MLIP: variants seen among roughly 807,000 people sequenced by gnomAD.
MLIP encodes the protein muscular LMNA-interacting protein.
In MLIP, 79 loss-of-function variants were observed where a neutral mutation model predicts 84.8. The observed-to-expected ratio is 0.93, with a 90% CI of 0.78 to 1.12. The LOEUF (loss-of-function observed/expected upper bound fraction) is 1.12, where lower values mean the gene tolerates loss of function less well. Ranked by LOEUF, MLIP falls within the 50% of genes most tolerant of loss-of-function variation. MLIP has a pLI of 0.00. For synonymous variants in MLIP, 504 were observed against 463.0 expected (o/e 1.09, Z -1.14); for missense variants, 1,257 against 1,160.6 (o/e 1.08, Z -1.21).
intron 1 of MLIP, among the ~76,000 whole-genome samples, chr6:54,103,608 G>A (rs990314273): frequency 2.0e-5 from 3 of 152,162 alleles, no homozygotes; most frequent in African/African-American, 4.8e-5. Flanking sequence ...TCCTCTCTAT[G>A]TAATTCTTCC....
At chr6:54,250,221 C>T (rs942006368) in intron 12 of MLIP, among the ~76,000 whole-genome samples, 3 of 151,868 alleles carry the variant, frequency 2.0e-5, no homozygotes, top group Admixed American at 2.0e-4. Flanking sequence ...CAGATGCTGG[C>T]GAGGTCATGG....
chr6:54,188,994 T>C (rs144403494), intron 9 of MLIP, among the ~76,000 whole-genome samples: 2 of 152,244 alleles, frequency 1.3e-5, no homozygotes, highest in Admixed American at 6.5e-5. Flanking sequence ...CTGCGTCCAG[T>C]TGGACTGTCA....
chr6:54,030,375 T>C (rs112972437), intron 1 of MLIP, among the ~76,000 whole-genome samples: 126 of 152,238 alleles, frequency 8.3e-4, no homozygotes, highest in Non-Finnish European at 1.5e-3. Flanking sequence ...ATGTGCTTCA[T>C]AGAATTAATT....
intron 1 of MLIP, among the ~76,000 whole-genome samples, chr6:54,021,951 T>A (rs1763520912): frequency 6.6e-6 from 1 of 152,220 alleles, no homozygotes; most frequent in Non-Finnish European, 1.5e-5. Context: ...AGTCATTGAT[T>A]CTGCTAGATG....
In MLIP at chr6:54,136,761, C is replaced by T. The variant is rs912819584; in HGVS notation, c.692C>T (p.Pro231Leu). 8.6e-6 allele frequency: 13 copies of T among 1,516,388 alleles called. No homozygotes were observed. The highest frequency in any genetic ancestry group is 4.1e-5 in the African/African-American group (3 of 72,776). 93.9% of individuals were successfully genotyped at this position (1,516,388 alleles called of 1,614,324 possible). ...TCTGAGCAGCTTGCCTGTAAACCAC[C>T]TGCTTTCTCCTTTGTTTCTCCAACT... ...TTSEQLACKPPAFSFVSPTNP... is the reference protein window; with the variant it reads ...TTSEQLACKPLAFSFVSPTNP... The change falls in exon 4 of 14, where the codon CCT becomes CTT. Residue 231 changes from proline to leucine, a missense_variant. Transcript: ENST00000502396.
Position 54,111,512 on chromosome 6 carries a change from C to A in MLIP, c.33C>A (p.Cys11Ter). Residue 11 changes from cysteine to a stop codon, truncating the protein, a stop_gained, in exon 1 of 14, where the codon TGC becomes TGA. Transcript: ENST00000502396. LOFTEE classifies it high-confidence loss of function. ...CAGAACAGGGGCTTCTGAGTGACTG[C>A]GGGAACAATTACTTCCAAATGACCT... is the stretch of plus-strand genomic sequence containing the variant. MLSEQGLLSD[C>*]GNNYFQMTSC... 4 of 1,535,962 alleles carry A rather than the reference C, an allele frequency of 2.6e-6. No individual in the cohort carries two copies. The highest frequency in any genetic ancestry group is 3.5e-6 in the Non-Finnish European group (4 of 1,146,840).
At chr6:54,160,337 T>A in intron 5 of MLIP, 30 bp from the exon 6 acceptor site, 1 of 1,585,956 alleles carries the variant, frequency 6.3e-7, no homozygotes, top group Non-Finnish European at 8.6e-7. Context: ...ACTAGAAGCC[T>A]CATATAAGAA....
At chr6:54,045,506 G>A (rs1468093363) in intron 1 of MLIP, 1 of 152,152 alleles carries the variant, frequency 6.6e-6, no homozygotes, top group Non-Finnish European at 1.5e-5. Context: ...TGTCATGAAT[G>A]TTAAGTGAAT....
At chr6:54,203,587 CCTTT>C (rs1250349392) in intron 11 of MLIP, 2 of 151,848 alleles carry the variant, frequency 1.3e-5, no homozygotes, top group East Asian at 1.9e-4. Context: ...TTTCTTTCTT[CCTTT>C]CTTTTTTTTT....
chr6:54,089,969 A>AT (rs1468724325), intron 1 of MLIP, among the ~76,000 whole-genome samples: 1 of 152,082 alleles, frequency 6.6e-6, no homozygotes, highest in African/African-American at 2.4e-5. Flanking sequence ...TTGTTTATTA[A>AT]TCTTTTCTGA....
chr6:54,137,285 G>A lies in MLIP; in HGVS notation c.1216G>A (p.Val406Ile), dbSNP rs1184302420. 1 of 1,535,848 alleles carries A rather than the reference G, an allele frequency of 6.5e-7. No homozygotes were observed. Among genetic ancestry groups the A allele is most frequent in the African/African-American group, 1.4e-5 (1 of 72,968 alleles). ...SSSGNLSKSG[V>I]KSPVPSRLAL... ...TAGTGGAAATCTTTCAAAGTCAGGG[G>A]TAAAATCCCCGGTGCCTTCCCGGCT... The change falls in exon 4 of 14, where the codon GTA becomes ATA. Residue 406 changes from valine (V) to isoleucine (I), a missense_variant. By Grantham distance (29) the Val-to-Ile change is conservative. Transcript: ENST00000502396.
intron 1 of MLIP, among the ~76,000 whole-genome samples, chr6:54,085,025 C>A (rs919539865): frequency 1.3e-5 from 2 of 152,206 alleles, no homozygotes; most frequent in Non-Finnish European, 2.9e-5. Flanking sequence ...GATTTGAAAT[C>A]TACTGTGTTC....
intron 3 of MLIP, among the ~76,000 whole-genome samples, chr6:54,127,098 G>T (rs816365): frequency 0.58 from 87,415 of 151,830 alleles, 26,088 homozygotes; most frequent in South Asian, 0.7. Context: ...TCTCCATTTT[G>T]ACCTAGGCTA....
At chr6:54,108,516 T>C (rs1561936532), upstream of MLIP, among the ~76,000 whole-genome samples, 1 of 152,230 alleles carries the variant, frequency 6.6e-6, no homozygotes, top group Non-Finnish European at 1.5e-5. Flanking sequence ...ACTATCCAGA[T>C]GGCTGAAGCA....
intron 10 of MLIP, among the ~76,000 whole-genome samples, 193 bp from the exon 11 acceptor site, chr6:54,201,912 A>G (rs969627754): frequency 6.6e-6 from 1 of 152,226 alleles, no homozygotes; most frequent in African/African-American, 2.4e-5. Flanking sequence ...TTATAGTTAA[A>G]TTTTAACTAA....
chr6:54,069,783 A>T lies in MLIP; in HGVS notation c.63+50692A>T, dbSNP rs1329815278. On this transcript the variant is annotated intron_variant, in intron 1 of 12. Coordinates refer to the MLIP transcript ENST00000274897. ...ACTTCACACAAAAATTTAAGAAAAAATTTTTTCTTTAAAAAAGACTCAAAT... is the reference window on the plus strand; with the variant it reads ...ACTTCACACAAAAATTTAAGAAAAATTTTTTTCTTTAAAAAAGACTCAAAT... Among the ~76,000 whole-genome samples the T allele has an allele frequency of 2.0e-5, 2 of 99,634 alleles. 1 individual carries two copies. Among genetic ancestry groups the T allele is most frequent in the Admixed American group, 1.9e-4 (2 of 10,688 alleles). 65.4% of individuals were successfully genotyped at this position (99,634 alleles called of 152,430 possible). A position where few individuals can be genotyped will look rare whatever the true frequency, so the allele number is the denominator to read the frequency against.
intron 1 of MLIP, among the ~76,000 whole-genome samples, chr6:54,034,375 C>T (rs368796769): frequency 2.4e-4 from 37 of 152,174 alleles, no homozygotes; most frequent in African/African-American, 8.4e-4. Context: ...CAGTCATGTG[C>T]TGTATGATGA....
intron 5 of MLIP, among the ~76,000 whole-genome samples, chr6:54,153,006 T>A (rs1241386277): frequency 2.0e-5 from 3 of 152,110 alleles, no homozygotes; most frequent in Admixed American, 2.0e-4. Context: ...TAAGTATTTC[T>A]GAGGATAAAA....
At position 54,263,536 on chromosome 6, in the gene MLIP, A is replaced by G. The variant is rs1332917284; in HGVS notation, c.2977-2414A>G. 2.0e-5 allele frequency among the ~76,000 whole-genome samples: 3 copies of G among 152,188 alleles called. No individual in the cohort carries two copies. In the East Asian group the frequency reaches 5.8e-4, roughly 29 times the overall value. Reference sequence around the variant, plus strand: ...ACATGCAGCCTAATTTCATATTCACAAGAACACATGTGTAGGTTATTTTGT... The same window carrying G: ...ACATGCAGCCTAATTTCATATTCACGAGAACACATGTGTAGGTTATTTTGT... On this transcript the variant is annotated intron_variant, in intron 13 of 13. Transcript: ENST00000502396.
Sources: gnomAD v4.1 joint callset for allele counts (sites outside exome capture counted in the v4.1 genomes callset) on GRCh38, gnomAD v4.1.1 for gene constraint, MANE v1.5 for transcripts, NCBI Gene and HGNC (gene_info 2026-07-23, HGNC 2026-07-21) for gene names.